The following CTNNA3 variants were observed in gnomAD, a reference collection of about 807,000 sequenced individuals.
CTNNA3 encodes catenin alpha-3.
Under a neutral mutation model 95.7 loss-of-function variants are expected in CTNNA3, and 76 were observed. The observed-to-expected ratio is 0.79, with a 90% CI of 0.66 to 0.96. The LOEUF (loss-of-function observed/expected upper bound fraction) is 0.96. Among genes scored for constraint, CTNNA3 ranks in the 40% least tolerant of loss-of-function variants. The probability of loss-of-function intolerance (pLI) is 0.00; values close to 1 mark genes in which losing one functional copy is unlikely to be tolerated. For missense variants in CTNNA3, 1,191 were observed against 1,089.8 expected (o/e 1.09, Z -1.31); for synonymous variants, 431 against 374.4 (o/e 1.15, Z -1.74).
intron 13 of CTNNA3, among the ~76,000 whole-genome samples, chr10:66,198,509 A>C (rs1311051005): frequency 6.6e-6 from 1 of 152,182 alleles, no homozygotes; most frequent in Non-Finnish European, 1.5e-5. Flanking sequence ...CAGAAATATT[A>C]AATAAAATGC....
chr10:67,423,937 A>G (rs999884215), intron 5 of CTNNA3, among the ~76,000 whole-genome samples: 5 of 152,198 alleles, frequency 3.3e-5, no homozygotes, highest in South Asian at 2.1e-4. Flanking sequence ...ATCTTCCCTT[A>G]GAAATATATT....
intron 11 of CTNNA3, among the ~76,000 whole-genome samples, chr10:66,515,840 G>A (rs181034643): frequency 1.3e-4 from 19 of 151,964 alleles, no homozygotes; most frequent in African/African-American, 4.1e-4. Flanking sequence ...TTATCTCTAC[G>A]GGGTCCCTCC....
intron 7 of CTNNA3, among the ~76,000 whole-genome samples, chr10:66,887,436 A>T (rs1845086825): frequency 6.6e-6 from 1 of 152,194 alleles, no homozygotes; most frequent in Admixed American, 6.5e-5. Flanking sequence ...AAACAATGAA[A>T]AAATGAAGTT....
chr10:67,704,664 C>T (rs1260137453), intron 1 of CTNNA3, among the ~76,000 whole-genome samples: 1 of 152,020 alleles, frequency 6.6e-6, no homozygotes, highest in Non-Finnish European at 1.5e-5. Flanking sequence ...GACCTAAAAC[C>T]ATAAAAACCC....
At chr10:67,026,329 TAAG>T (rs1161201292) in intron 7 of CTNNA3, among the ~76,000 whole-genome samples, 1 of 152,092 alleles carries the variant, frequency 6.6e-6, no homozygotes, top group Non-Finnish European at 1.5e-5. Context: ...AGTAGAGTTT[TAAG>T]AAGATGAATT....
At chr10:66,749,202 CAAAAAAAAAAAAAAAA>C (rs35568730) in intron 9 of CTNNA3, among the ~76,000 whole-genome samples, 1 of 50,858 alleles carries the variant, frequency 2.0e-5, no homozygotes, top group African/African-American at 8.2e-5. Flanking sequence ...AACTCCAACT[CAAAAAAAAAAAAAAAA>C]AAAAAAAAAA....
chr10:67,116,090 C>G (rs923561353), intron 7 of CTNNA3, among the ~76,000 whole-genome samples: 4 of 151,946 alleles, frequency 2.6e-5, no homozygotes, highest in Admixed American at 2.6e-4. Context: ...AACTATTCCC[C>G]AGGCATAACT....
intron 7 of CTNNA3, among the ~76,000 whole-genome samples, chr10:66,845,710 A>ATAAATAAATAAATAAATT (rs1248827088): frequency 4.7e-5 from 4 of 85,970 alleles, no homozygotes; most frequent in Non-Finnish European, 6.3e-5. Flanking sequence ...TCTCAAAAAA[A>ATAAATAAATAAATAAATT]AAAAAAAAAA....
At chr10:66,958,251 C>T (rs1848926377) in intron 7 of CTNNA3, among the ~76,000 whole-genome samples, 1 of 141,048 alleles carries the variant, frequency 7.1e-6, no homozygotes, top group Admixed American at 7.7e-5. Context: ...GATTTAGCAA[C>T]TTAGCATTTA....
At chr10:66,694,336 C>T (rs1280618873) in intron 9 of CTNNA3, among the ~76,000 whole-genome samples, 1 of 152,110 alleles carries the variant, frequency 6.6e-6, no homozygotes, top group East Asian at 1.9e-4. Context: ...ACAAACACCT[C>T]TATGCAAATA....
intron 9 of CTNNA3, among the ~76,000 whole-genome samples, chr10:66,752,739 A>C (rs1380363738): frequency 6.6e-6 from 1 of 152,150 alleles, no homozygotes; most frequent in Non-Finnish European, 1.5e-5. Flanking sequence ...AAAATAAGAA[A>C]ATAGGGCTTG....
chr10:65,959,160 G>C (rs1424491112), intron 17 of CTNNA3, among the ~76,000 whole-genome samples: 1 of 152,210 alleles, frequency 6.6e-6, no homozygotes, highest in Non-Finnish European at 1.5e-5. Flanking sequence ...CCAGCAGTGA[G>C]TGAGGCTCTG....
chr10:66,066,358 G>A (rs577882860), intron 15 of CTNNA3, among the ~76,000 whole-genome samples: 1 of 152,166 alleles, frequency 6.6e-6, no homozygotes, highest in South Asian at 2.1e-4. Context: ...TTCCTATACA[G>A]GCATATACAT....
At chr10:66,897,484 T>A (rs982280411) in intron 7 of CTNNA3, among the ~76,000 whole-genome samples, 1 of 151,990 alleles carries the variant, frequency 6.6e-6, no homozygotes, top group Non-Finnish European at 1.5e-5. Context: ...AAAGAAAATT[T>A]AAAAAGGGAA....
At chr10:66,430,488 C>G (rs2093284658) in intron 11 of CTNNA3, among the ~76,000 whole-genome samples, 1 of 152,164 alleles carries the variant, frequency 6.6e-6, no homozygotes, top group Admixed American at 6.5e-5. Context: ...CATCTTGCTA[C>G]CTGACTTCAG....
chr10:66,962,399 GT>G (rs1358916831), intron 7 of CTNNA3, among the ~76,000 whole-genome samples: 69 of 147,260 alleles, frequency 4.7e-4, no homozygotes, highest in African/African-American at 1.6e-3. Flanking sequence ...TTTTTGTTTT[GT>G]TTTTTGTTTT....
chr10:66,450,224 C>T (rs1205076877), intron 11 of CTNNA3, among the ~76,000 whole-genome samples: 1 of 151,996 alleles, frequency 6.6e-6, no homozygotes, highest in Non-Finnish European at 1.5e-5. Flanking sequence ...AATTTATTTT[C>T]TCATTTGATA....
chr10:67,631,740 A>T (rs947307800), intron 2 of CTNNA3, among the ~76,000 whole-genome samples: 5 of 152,192 alleles, frequency 3.3e-5, no homozygotes, highest in Admixed American at 6.5e-5. Flanking sequence ...CCATCTACAG[A>T]TGAATGAATA....
At chr10:67,260,964 C>T (rs926789589) in intron 5 of CTNNA3, among the ~76,000 whole-genome samples, 7 of 152,114 alleles carry the variant, frequency 4.6e-5, no homozygotes, top group Admixed American at 1.3e-4. Flanking sequence ...GGATTACAGG[C>T]GTGAGCCACC....
Sources: gnomAD v4.1 joint callset for allele counts (sites outside exome capture counted in the v4.1 genomes callset) on GRCh38, gnomAD v4.1.1 for gene constraint, MANE v1.5 for transcripts, NCBI Gene and HGNC (gene_info 2026-07-23, HGNC 2026-07-21) for gene names.